CARS2: variants seen among roughly 807,000 people sequenced by gnomAD.
CARS2 encodes the protein cysteinyl-tRNA synthetase 2, mitochondrial.
CARS2 carries 52 observed loss-of-function variants against 68.8 expected under a neutral mutation model. The ratio of observed to expected loss-of-function variants is 0.76; its 90% CI spans 0.61 to 0.95. CARS2 has a LOEUF of 0.95. Among genes scored for constraint, CARS2 ranks in the 40% least tolerant of loss-of-function variants. CARS2 has a pLI of 0.00. For missense variants in CARS2, 780 were observed against 754.2 expected, an observed-to-expected ratio of 1.03 and a Z score of -0.40; for synonymous variants, 314 against 303.6, an observed-to-expected ratio of 1.03 and a Z score of -0.36.
At chr13:110,699,505 C>T (rs1003533450) in intron 3 of CARS2, among the ~76,000 whole-genome samples, 1 of 152,238 alleles carries the variant, frequency 6.6e-6, no homozygotes, top group Admixed American at 6.5e-5. Context: ...ATCTCGTCTA[C>T]ATCAAAATTA....
chr13:110,642,869 C>G (rs79847822), intron 13 of CARS2: 4 of 534,218 alleles, frequency 7.5e-6, no homozygotes, highest in Non-Finnish European at 1.4e-5. Flanking sequence ...TCAGGAGCAA[C>G]CTGAGGATGA....
intron 12 of CARS2, chr13:110,645,596 T>G: frequency 5.8e-6 from 1 of 173,666 alleles, no homozygotes. Flanking sequence ...GCAGATTGCA[T>G]AACAGTGCCT....
In CARS2 at chr13:110,691,754, G is replaced by A. The variant is rs532770347; in HGVS notation, c.394-3736C>T. 7.2e-5 allele frequency among the ~76,000 whole-genome samples: 11 copies of A among 152,004 alleles called. No homozygotes were observed. In the East Asian group the frequency reaches 1.2e-3, roughly 16 times the overall value. The stretch of plus-strand genomic sequence containing the variant: ...GGTGTATTCCATCATCTGTTTATGC[G>A]TGCTTTGTACAGGTGTTTAATTTCT... On this transcript the variant is annotated intron_variant, in intron 3 of 14. Coordinates refer to ENST00000257347, the MANE Select transcript of CARS2 (RefSeq NM_024537.4).
At chr13:110,712,733 C>T in intron 1 of CARS2, 2 of 696,392 alleles carry the variant, frequency 2.9e-6, no homozygotes, top group Non-Finnish European at 5.2e-6. Context: ...GTGTGGGGAG[C>T]GGCCTCCGAG....
At chr13:110,643,653 C>T (rs1403417280) in intron 13 of CARS2, 1 of 156,884 alleles carries the variant, frequency 6.4e-6, no homozygotes, top group African/African-American at 2.4e-5. Flanking sequence ...GAGAATTCTA[C>T]AAGGGTGTCC....
At chr13:110,700,073 C>G (rs1224656392) in intron 3 of CARS2, among the ~76,000 whole-genome samples, 2 of 152,184 alleles carry the variant, frequency 1.3e-5, no homozygotes, top group African/African-American at 4.8e-5. Context: ...TGGGAGTGGC[C>G]CTGCCCCTGA....
upstream of CARS2, among the ~76,000 whole-genome samples, chr13:110,709,584 C>T (rs890408857): frequency 2.0e-5 from 3 of 152,214 alleles, no homozygotes; most frequent in African/African-American, 7.2e-5. Context: ...TTCTCCTGTG[C>T]TGGGTGCTTC....
In CARS2 at chr13:110,700,660, G is replaced by C. The variant is rs375831631; in HGVS notation, c.393+778C>G. Among the ~76,000 whole-genome samples, 7 of 152,352 alleles carry C rather than the reference G, an allele frequency of 4.6e-5. No individual in the cohort carries two copies. In the East Asian group the frequency reaches 9.6e-4, roughly 21 times the overall value. ...AGCACAATAAGGTCTGCTCTGCGCA[G>C]CACACAGGGTTGTTCTGAGACTGAA... On this transcript the variant is annotated intron_variant, in intron 3 of 14. Transcript: ENST00000257347.
At chr13:110,704,740 GA>G (rs917660418) in intron 2 of CARS2, among the ~76,000 whole-genome samples, 18 of 141,750 alleles carry the variant, frequency 1.3e-4, no homozygotes, top group Admixed American at 2.1e-4. Context: ...TCCGTCTCAA[GA>G]AAAAAAAAAA....
intron 13 of CARS2, chr13:110,643,177 C>T (rs985610185): frequency 9.8e-6 from 2 of 203,096 alleles, no homozygotes; most frequent in South Asian, 1.5e-4. Context: ...AAATATGAGC[C>T]CAGAGTGGGC....
At chr13:110,678,470 A>G (rs1366115187) in intron 6 of CARS2, among the ~76,000 whole-genome samples, 1 of 152,200 alleles carries the variant, frequency 6.6e-6, no homozygotes, top group Non-Finnish European at 1.5e-5. Flanking sequence ...ATCACCTTTG[A>G]TGAATTTAAA....
At chr13:110,646,787 G>C (rs1169108112) in intron 11 of CARS2, 4 of 300,778 alleles carry the variant, frequency 1.3e-5, no homozygotes, top group Non-Finnish European at 1.9e-5. Flanking sequence ...CCGTCTCCCT[G>C]GGATGTCTCG....
chr13:110,646,337 C>T (rs191523907), intron 11 of CARS2: 116 of 393,058 alleles, frequency 3.0e-4, no homozygotes, highest in South Asian at 4.1e-4. Flanking sequence ...ATACAAGACA[C>T]ACGTGGGCAT....
chr13:110,706,971 TAC>T (rs772445982), upstream of CARS2, among the ~76,000 whole-genome samples: 21 of 148,390 alleles, frequency 1.4e-4, no homozygotes, highest in African/African-American at 3.5e-4. Context: ...AGCATCCCAA[TAC>T]AGTGTGCACT....
rs369112100 is a variant in CARS2, at chr13:110,712,893, A to G, written n.399+244T>C. On this transcript the variant is annotated intron_variant and non_coding_transcript_variant, in intron 1 of 2. Coordinates refer to the CARS2 transcript ENST00000485188. ...GCCGTTCCAAACTGAGTACCGGGAG[A>G]CGACACAAAGGGAGGGCGGTGACGG... 4.8e-6 allele frequency: 7 copies of G among 1,465,976 alleles called. No homozygotes were observed. In the African/African-American group the frequency reaches 7.0e-5, roughly 15 times the overall value. The allele number at this position is 1,465,976 out of a possible 1,614,324, so 90.8% of individuals were successfully genotyped here.
intron 6 of CARS2, among the ~76,000 whole-genome samples, chr13:110,680,273 T>A (rs2139827475): frequency 6.6e-6 from 1 of 151,884 alleles, no homozygotes; most frequent in South Asian, 2.1e-4. Flanking sequence ...GCCCCTGTAA[T>A]CCCAGCTACT....
At chr13:110,679,479 G>A (rs1437275626) in intron 6 of CARS2, among the ~76,000 whole-genome samples, 2 of 150,976 alleles carry the variant, frequency 1.3e-5, no homozygotes, top group East Asian at 1.9e-4. Context: ...ACAGTGAGCC[G>A]AGATCGCGCC....
chr13:110,705,944 C>G lies in CARS2; in HGVS notation c.150G>C (p.Thr50=). 9.0e-6 allele frequency: 14 copies of G among 1,561,680 alleles called. No homozygotes were observed. Among genetic ancestry groups the G allele is most frequent in the Non-Finnish European group, 1.2e-5 (14 of 1,156,986 alleles). The change falls in exon 1 of 15, where the codon ACG becomes ACC. Residue 50 remains threonine (T), a synonymous_variant. Coordinates refer to ENST00000257347, the MANE Select transcript of CARS2 (RefSeq NM_024537.4). This position sits in a 1 kb window ranked among gnomAD's most constrained non-coding sequence, Gnocchi z 4.0. ...TGAGGCTGTTGTACACCTGCACACC[C>G]GTCTCCCGGCCCGTGGGCTGCAGCC... ...RAWLQPTGRE[T]GVQVYNSLTG... is the part of the protein sequence containing the mutation.
chr13:110,686,992 A>C (rs1306476965), intron 5 of CARS2, among the ~76,000 whole-genome samples: 1 of 152,166 alleles, frequency 6.6e-6, no homozygotes, highest in Non-Finnish European at 1.5e-5. Context: ...ATGGCCTGTG[A>C]AAAAACGATA....
Sources: gnomAD v4.1 joint callset for allele counts (sites outside exome capture counted in the v4.1 genomes callset) on GRCh38, gnomAD v4.1.1 for gene constraint, Gnocchi (gnomAD v3.1) non-coding constraint, MANE v1.5 for transcripts, NCBI Gene and HGNC (gene_info 2026-07-23, HGNC 2026-07-21) for gene names.